RALGDS: variants seen among roughly 807,000 people sequenced by gnomAD.
RALGDS encodes ral guanine nucleotide exchange factor.
RALGDS carries 44 observed loss-of-function variants against 99.8 expected under a neutral mutation model. The ratio of observed to expected loss-of-function variants is 0.44; its 90% CI spans 0.35 to 0.57. The LOEUF (loss-of-function observed/expected upper bound fraction) is 0.57. Among genes scored for constraint, RALGDS ranks in the 20% least tolerant of loss-of-function variants. The pLI is 0.01. For synonymous variants in RALGDS, 529 were observed against 505.0 expected, an observed-to-expected ratio of 1.05 and a Z score of -0.64; for missense variants, 1,022 against 1,203.1, an observed-to-expected ratio of 0.85 and a Z score of 2.23.
chr9:133,136,625 T>C (rs1832431006), intron 1 of RALGDS, among the ~76,000 whole-genome samples: 1 of 151,496 alleles, frequency 6.6e-6, no homozygotes, highest in South Asian at 2.1e-4. Context: ...AATACAAAAA[T>C]TAGCCAGGCG....
intron 1 of RALGDS, among the ~76,000 whole-genome samples, chr9:133,119,473 G>A (rs575876968): frequency 7.9e-5 from 12 of 152,252 alleles, no homozygotes; most frequent in Non-Finnish European, 1.3e-4. Context: ...GGCAAGGAGC[G>A]CCAGGGCCAG....
At chr9:133,106,911 C>A (rs939777879) in intron 7 of RALGDS, among the ~76,000 whole-genome samples, 163 bp from the exon 8 acceptor site, 2 of 152,232 alleles carry the variant, frequency 1.3e-5, no homozygotes, top group African/African-American at 4.8e-5. Context: ...TTTAGCTCAA[C>A]CCAAGGAAAG....
exon 1 of RALGDS, chr9:133,149,103 G>A (rs1832672733): frequency 1.9e-6 from 1 of 518,212 alleles, no homozygotes; most frequent in Non-Finnish European, 2.6e-6. Context: ...CGCGGCCTCC[G>A]GTCCCCGCCG....
In RALGDS at chr9:133,144,828, T is replaced by G. The variant is rs1832597585; in HGVS notation, c.18+4135A>C. 6.6e-6 allele frequency among the ~76,000 whole-genome samples: 1 copy of G among 152,212 alleles called. No individual in the cohort carries two copies. Among genetic ancestry groups the G allele is most frequent in the African/African-American group, 2.4e-5 (1 of 41,450 alleles). ...TGAACAAAAAGATCTCTGGTACCCG[T>G]GAATGAGATCTTATTTGGAAATAGG... is the stretch of plus-strand genomic sequence containing the variant. On this transcript the variant is annotated intron_variant, in intron 1 of 17. Coordinates refer to the RALGDS transcript ENST00000393160. This position sits in a 1 kb window ranked among gnomAD's most constrained non-coding sequence, Gnocchi z 4.5.
At chr9:133,120,919 G>A in intron 1 of RALGDS, 53 bp downstream of exon 1, 2 of 1,444,612 alleles carry the variant, frequency 1.4e-6, no homozygotes, top group Non-Finnish European at 1.8e-6. Flanking sequence ...CAGCTCTGCC[G>A]CGGGTGGGGA....
intron 1 of RALGDS, among the ~76,000 whole-genome samples, chr9:133,127,546 A>G (rs1832199108): frequency 6.6e-6 from 1 of 152,164 alleles, no homozygotes. Flanking sequence ...TGACGTCACC[A>G]TTCCTAGCCT....
At chr9:133,127,616 C>T (rs1374109353) in intron 1 of RALGDS, among the ~76,000 whole-genome samples, 4 of 152,208 alleles carry the variant, frequency 2.6e-5, no homozygotes, top group South Asian at 2.1e-4. Flanking sequence ...CAGGAGGTGA[C>T]GCAGCTGGAC....
At position 133,102,993 on chromosome 9, in the gene RALGDS, C is replaced by T. The variant is rs909163995; in HGVS notation, c.1792-93G>A. 4.5e-6 allele frequency: 7 copies of T among 1,543,994 alleles called. No homozygotes were observed. In the African/African-American group the frequency reaches 5.4e-5, roughly 12 times the overall value. Reference sequence around the variant, plus strand: ...TCTTTGTTCTTGGGGTCCCTTCCTCCCCTCTACTCCCATCCAGGCCTTCCT... The same window carrying T: ...TCTTTGTTCTTGGGGTCCCTTCCTCTCCTCTACTCCCATCCAGGCCTTCCT... On this transcript the variant is annotated intron_variant, in intron 12 of 17. Coordinates refer to ENST00000372050, the MANE Select transcript of RALGDS (RefSeq NM_006266.4).
chr9:133,142,359 G>T (rs1179207245), intron 1 of RALGDS, among the ~76,000 whole-genome samples: 2 of 152,168 alleles, frequency 1.3e-5, no homozygotes, highest in Non-Finnish European at 2.9e-5. Context: ...TGGGCCAGGG[G>T]TGGGTGTGCG....
Position 133,097,931 on chromosome 9 carries a change from G to A in RALGDS, c.*656C>T, listed in dbSNP as rs2119104462. 2 of 234,006 alleles carry A rather than the reference G, an allele frequency of 8.5e-6. No homozygotes were observed. The highest frequency in any genetic ancestry group is 1.2e-4 in the East Asian group (2 of 16,460). 14.5% of individuals were successfully genotyped at this position (234,006 alleles called of 1,614,324 possible). A position where few individuals can be genotyped will look rare whatever the true frequency, so the allele number is the denominator to read the frequency against. ...CTCGTAAAGCCCAGGACGCAGTGGTGAATGGCACTTGCAGTGGCATGAGAT... is the reference window on the plus strand; with the variant it reads ...CTCGTAAAGCCCAGGACGCAGTGGTAAATGGCACTTGCAGTGGCATGAGAT... On this transcript the variant is annotated 3_prime_UTR_variant, in exon 18 of 18. Transcript: ENST00000372050.
intron 1 of RALGDS, among the ~76,000 whole-genome samples, chr9:133,117,232 G>A (rs529890647): frequency 1.1e-4 from 16 of 152,188 alleles, no homozygotes; most frequent in African/African-American, 3.9e-4. Flanking sequence ...TGTCTAACTC[G>A]AGGGTCCTCA....
intron 17 of RALGDS, chr9:133,099,457 A>T (rs1202818003): frequency 6.6e-6 from 1 of 151,452 alleles, no homozygotes; most frequent in Non-Finnish European, 1.5e-5. Context: ...CACAGGAGTC[A>T]TTGCTTACTG....
intron 3 of RALGDS, 31 bp from the exon 4 acceptor site, chr9:133,109,752 C>A: frequency 6.3e-7 from 1 of 1,585,844 alleles, no homozygotes; most frequent in Non-Finnish European, 8.7e-7. Context: ...TACTGTCTGA[C>A]TCTCCGACTA....
At chr9:133,100,167 C>T (rs1357738096) in intron 17 of RALGDS, 101 bp downstream of exon 17, 7 of 1,083,456 alleles carry the variant, frequency 6.5e-6, no homozygotes, top group Admixed American at 3.4e-5. Flanking sequence ...TCTACCCACA[C>T]TCTGCTGGTG....
chr9:133,113,614 C>T (rs531363795), intron 1 of RALGDS, among the ~76,000 whole-genome samples: 25 of 152,348 alleles, frequency 1.6e-4, no homozygotes, highest in African/African-American at 5.8e-4. Flanking sequence ...GGAAAAGAGA[C>T]ATACGCTCAC....
intron 1 of RALGDS, among the ~76,000 whole-genome samples, chr9:133,113,455 G>T (rs138171317): frequency 3.9e-5 from 6 of 152,330 alleles, no homozygotes; most frequent in Admixed American, 3.3e-4. Flanking sequence ...CAGGAAAGCT[G>T]CGGGCATTGT....
In RALGDS at chr9:133,098,210, A is replaced by G. The variant is rs1489047285; in HGVS notation, c.*377T>C. On this transcript the variant is annotated 3_prime_UTR_variant, in exon 18 of 18. Coordinates refer to ENST00000372050, the MANE Select transcript of RALGDS (RefSeq NM_006266.4). Reference sequence around the variant, plus strand: ...GGCATGAGAGAACTGCAGTGGTCACAGTGGGTGCTCTGGGGTGCCCATGGG... The same window carrying G: ...GGCATGAGAGAACTGCAGTGGTCACGGTGGGTGCTCTGGGGTGCCCATGGG... 2.5e-6 allele frequency: 1 copy of G among 405,046 alleles called. No individual in the cohort carries two copies. Among genetic ancestry groups the G allele is most frequent in the Non-Finnish European group, 4.6e-6 (1 of 216,632 alleles). The allele number at this position is 405,046 out of a possible 1,614,324, so 25.1% of individuals were successfully genotyped here.
At chr9:133,100,075 G>A (rs1830682022) in intron 17 of RALGDS, 193 bp downstream of exon 17, 1 of 665,876 alleles carries the variant, frequency 1.5e-6, no homozygotes, top group Non-Finnish European at 2.7e-6. Context: ...GCCTAGGGAA[G>A]GGCACACACT....
At chr9:133,141,288 T>C (rs1376213113) in intron 1 of RALGDS, among the ~76,000 whole-genome samples, 1 of 152,156 alleles carries the variant, frequency 6.6e-6, no homozygotes, top group Non-Finnish European at 1.5e-5. Flanking sequence ...TGGCCCCACC[T>C]GCCTTTTCCC....
Sources: gnomAD v4.1 joint callset for allele counts (sites outside exome capture counted in the v4.1 genomes callset) on GRCh38, gnomAD v4.1.1 for gene constraint, Gnocchi (gnomAD v3.1) non-coding constraint, MANE v1.5 for transcripts, NCBI Gene and HGNC (gene_info 2026-07-23, HGNC 2026-07-21) for gene names.